The following MYO1D variants were observed in gnomAD, a reference collection of about 807,000 sequenced individuals.
The protein encoded by MYO1D is unconventional myosin-Id.
A neutral mutation model predicts 122.0 loss-of-function variants in MYO1D; 83 were observed. The observed-to-expected ratio is 0.68, with a 90% CI of 0.57 to 0.82. The LOEUF is 0.82. Ranked by LOEUF, MYO1D falls within the 40% of genes least tolerant of loss-of-function variation. The pLI is 0.00. For synonymous variants in MYO1D, 464 were observed against 446.9 expected, an observed-to-expected ratio of 1.04 and a Z score of -0.48; for missense variants, 1,157 against 1,269.5, an observed-to-expected ratio of 0.91 and a Z score of 1.35.
intron 20 of MYO1D, among the ~76,000 whole-genome samples, chr17:32,635,590 G>A (rs1331682889): frequency 1.3e-5 from 2 of 152,146 alleles, no homozygotes; most frequent in African/African-American, 4.8e-5. Flanking sequence ...CTACTTGGGA[G>A]GCTGAGGCAG....
chr17:32,867,663 G>A (rs1242306620), intron 1 of MYO1D, among the ~76,000 whole-genome samples: 3 of 151,830 alleles, frequency 2.0e-5, no homozygotes, highest in African/African-American at 7.3e-5. Context: ...TGGGCATGGT[G>A]GCAGGCGCCT....
rs2089937794 is a variant in MYO1D at position 32,755,494 on chromosome 17, T to G, written c.1465A>C (p.Lys489Gln). The change falls in exon 11 of 22, where the codon AAG becomes CAG. Residue 489 changes from lysine to glutamine, a missense_variant and splice_region_variant. Transcript: ENST00000318217. ...GAAGGTGTCATTAAACACATTACCT[T>G]TCGGCTGGAAAAATGGGCGTGTTTG... ...LGKHAHFSSR[K>Q]LCASDKILEF... 10 of 1,613,554 alleles carry G rather than the reference T, an allele frequency of 6.2e-6. No individual in the cohort carries two copies. The highest frequency in any genetic ancestry group is 8.5e-6 in the Non-Finnish European group (10 of 1,179,616).
intron 20 of MYO1D, among the ~76,000 whole-genome samples, chr17:32,624,918 G>A (rs1211690775): frequency 1.3e-5 from 2 of 151,950 alleles, no homozygotes; most frequent in Non-Finnish European, 2.9e-5. Context: ...AGCCTCCCGA[G>A]TAGCTGGGAT....
At chr17:32,576,138 G>T (rs1288012957) in intron 21 of MYO1D, among the ~76,000 whole-genome samples, 5 of 152,202 alleles carry the variant, frequency 3.3e-5, no homozygotes, top group African/African-American at 1.2e-4. Context: ...GTCAGGAGAA[G>T]AAAGAGGAAG....
intron 21 of MYO1D, among the ~76,000 whole-genome samples, chr17:32,597,868 C>CAAAAAAAAAAAAAAAA (rs755415435): frequency 1.6e-5 from 1 of 62,716 alleles, no homozygotes; most frequent in Non-Finnish European, 3.1e-5. Context: ...AACCCTGTCT[C>CAAAAAAAAAAAAAAAA]AAAAAAAAAA....
At chr17:32,653,970 C>T in intron 18 of MYO1D, 23 bp from the exon 19 acceptor site, 1 of 1,573,352 alleles carries the variant, frequency 6.4e-7, no homozygotes, top group Non-Finnish European at 8.7e-7. Context: ...GGAAACAAGA[C>T]AAAATGAGTA....
intron 7 of MYO1D, among the ~76,000 whole-genome samples, chr17:32,767,350 A>G (rs1475896138): frequency 3.3e-5 from 5 of 152,214 alleles, no homozygotes; most frequent in Admixed American, 3.3e-4. Context: ...ACTAGTAGTC[A>G]CATCACTGCT....
intron 20 of MYO1D, among the ~76,000 whole-genome samples, chr17:32,630,603 C>T (rs549483382): frequency 2.0e-5 from 3 of 151,648 alleles, no homozygotes; most frequent in South Asian, 2.1e-4. Flanking sequence ...AATGGAGTCT[C>T]GCTCTGTTGC....
chr17:32,722,287 T>A (rs920474289), intron 14 of MYO1D, among the ~76,000 whole-genome samples: 3 of 152,246 alleles, frequency 2.0e-5, no homozygotes, highest in Non-Finnish European at 4.4e-5. Context: ...ATCATAAATC[T>A]AGTATATTAA....
chr17:32,522,412 A>G (rs558286244), intron 21 of MYO1D, among the ~76,000 whole-genome samples: 1 of 152,230 alleles, frequency 6.6e-6, no homozygotes, highest in East Asian at 1.9e-4. Context: ...GTCCCAAACT[A>G]CTCTAGTTTC....
intron 20 of MYO1D, among the ~76,000 whole-genome samples, chr17:32,617,498 T>TG (rs1432994468): frequency 1.3e-5 from 2 of 152,158 alleles, no homozygotes; most frequent in Non-Finnish European, 2.9e-5. Flanking sequence ...TGGAGTGCAA[T>TG]GGCATGATCT....
chr17:32,679,867 C>A (rs1301174397), intron 16 of MYO1D, among the ~76,000 whole-genome samples: 3 of 150,614 alleles, frequency 2.0e-5, no homozygotes, highest in Non-Finnish European at 4.4e-5. Context: ...GCCATTTTCA[C>A]GATATTGATT....
chr17:32,760,487 G>A lies in MYO1D; in HGVS notation c.1176C>T (p.Asn392=). 1 of 1,612,794 alleles carries A rather than the reference G, an allele frequency of 6.2e-7. No homozygotes were observed. The highest frequency in any genetic ancestry group is 8.5e-7 in the Non-Finnish European group (1 of 1,179,302). Reference sequence around the variant, plus strand: ...AAGTATCTTTTCCAGTTTACCTGTTGTTGTCAAAGATTTCAAAGCCATAGA... The same window carrying A: ...AAGTATCTTTTCCAGTTTACCTGTTATTGTCAAAGATTTCAAAGCCATAGA... ...LDIYGFEIFD[N]NSFEQFCINY... The change falls in exon 9 of 22, where the codon AAC becomes AAT. Residue 392 remains asparagine (N), a synonymous_variant. Coordinates refer to ENST00000318217, the MANE Select transcript of MYO1D (RefSeq NM_015194.3).
At chr17:32,694,536 C>A (rs561375100) in intron 16 of MYO1D, among the ~76,000 whole-genome samples, 1 of 151,782 alleles carries the variant, frequency 6.6e-6, no homozygotes, top group African/African-American at 2.4e-5. Context: ...CCTGTCTCTA[C>A]TAAAAATACA....
chr17:32,801,677 A>C (rs1024112000), intron 1 of MYO1D, among the ~76,000 whole-genome samples: 1 of 152,228 alleles, frequency 6.6e-6, no homozygotes, highest in African/African-American at 2.4e-5. Flanking sequence ...ATAAATAGAC[A>C]AAGAAATAGA....
intron 21 of MYO1D, among the ~76,000 whole-genome samples, chr17:32,522,673 G>A (rs540888849): frequency 6.6e-6 from 1 of 152,234 alleles, no homozygotes; most frequent in East Asian, 1.9e-4. Flanking sequence ...CTAATGACAT[G>A]AAGAACACGG....
chr17:32,729,440 CTG>C lies in MYO1D; in HGVS notation c.1747-8253_1747-8252del, dbSNP rs571368364. On this transcript the variant is annotated intron_variant, in intron 14 of 21. Transcript: ENST00000318217. ...TCATGAACTGAAGGCACTATGGACT[CTG>C]TGAAAGTGAGGAGCCAGGGACGTCT... Among the ~76,000 whole-genome samples the C allele has an allele frequency of 3.5e-3, 527 of 152,222 alleles. 5 individuals are homozygous for C. The highest frequency in any genetic ancestry group is 0.012 in the African/African-American group (494 of 41,522).
intron 1 of MYO1D, among the ~76,000 whole-genome samples, chr17:32,786,012 A>G (rs540777778): frequency 1.2e-4 from 18 of 152,214 alleles, no homozygotes; most frequent in Admixed American, 2.6e-4. Flanking sequence ...AAAGATTGTG[A>G]AAAGCTATGA....
Position 32,745,496 on chromosome 17 carries a change from T to C in MYO1D, c.1539-211A>G, listed in dbSNP as rs116308680. ...ATCAGTACTATTATGATTAAGATGATAATTCCCTACTGGTTTATTGCTTAC... is the reference window on the plus strand; with the variant it reads ...ATCAGTACTATTATGATTAAGATGACAATTCCCTACTGGTTTATTGCTTAC... On this transcript the variant is annotated intron_variant, in intron 12 of 21. Transcript: ENST00000318217. The C allele has an allele frequency of 2.3e-3, 973 of 420,872 alleles. 10 individuals carry two copies. The highest frequency in any genetic ancestry group is 0.014 in the African/African-American group (681 of 48,754). 26.1% of individuals were successfully genotyped at this position (420,872 alleles called of 1,614,324 possible). A position where few individuals can be genotyped will look rare whatever the true frequency, so the allele number is the denominator to read the frequency against.
Sources: gnomAD v4.1 joint callset for allele counts (sites outside exome capture counted in the v4.1 genomes callset) on GRCh38, gnomAD v4.1.1 for gene constraint, MANE v1.5 for transcripts, NCBI Gene and HGNC (gene_info 2026-07-23, HGNC 2026-07-21) for gene names.